NFIA: variants seen among roughly 807,000 people sequenced by gnomAD.
NFIA encodes nuclear factor 1 A-type.
A neutral mutation model predicts 62.8 loss-of-function variants in NFIA; 8 were observed. The ratio of observed to expected loss-of-function variants is 0.13; its 90% confidence interval spans 0.07 to 0.23. The LOEUF (loss-of-function observed/expected upper bound fraction) is 0.23, where lower values mean the gene tolerates loss of function less well. NFIA is among the 10% of genes least tolerant of loss of function. NFIA has a pLI of 1.00. For synonymous variants in NFIA, 235 were observed against 238.1 expected, an observed-to-expected ratio of 0.99 and a Z score of 0.12; for missense variants, 410 against 642.1, an observed-to-expected ratio of 0.64 and a Z score of 3.91.
Position 61,406,550 on chromosome 1 carries a change from C to CT in NFIA, c.1255-12_1255-11insT. On this transcript the variant is annotated splice_polypyrimidine_tract_variant and intron_variant, in intron 8 of 10. Transcript: ENST00000403491. Reference sequence around the variant, plus strand: ...CTTGTACGTGTGTTTTCTGCCCCCCCCCCCCCCACAGCCCAATGGGAGCAG... The same window carrying CT: ...CTTGTACGTGTGTTTTCTGCCCCCCCTCCCCCCCACAGCCCAATGGGAGCAG... 2.7e-6 allele frequency: 3 copies of CT among 1,113,332 alleles called. No individual in the cohort carries two copies. Among genetic ancestry groups the CT allele is most frequent in the Middle Eastern group, 2.3e-4 (1 of 4,326 alleles). 69.0% of individuals were successfully genotyped at this position (1,113,332 alleles called of 1,614,324 possible).
chr1:61,401,342 CA>C (rs1329615585), intron 7 of NFIA, among the ~76,000 whole-genome samples: 1 of 152,030 alleles, frequency 6.6e-6, no homozygotes, highest in Non-Finnish European at 1.5e-5. Context: ...CTCTGTTCCA[CA>C]AGGAAATGGT....
At chr1:61,243,042 A>G (rs982181048) in intron 2 of NFIA, among the ~76,000 whole-genome samples, 3 of 152,118 alleles carry the variant, frequency 2.0e-5, no homozygotes, top group African/African-American at 7.2e-5. Context: ...CATTTAGGCA[A>G]CAATGTTAGT....
rs1364082655 is a variant in NFIA, at chr1:61,462,082, C to T, written c.*6762C>T. The T allele has an allele frequency of 9.5e-6, 1 of 105,684 alleles. No individual in the cohort carries two copies. Among genetic ancestry groups the T allele is most frequent in the Non-Finnish European group, 1.7e-5 (1 of 57,178 alleles). The allele number at this position is 105,684 out of a possible 1,614,324, so 6.5% of individuals were successfully genotyped here. ...TTTGTTTTTTTTTCTTTTGACATTG[C>T]AACCGAAGGTCATAAGGCCGCTAGC... On this transcript the variant is annotated 3_prime_UTR_variant, in exon 11 of 11. Coordinates refer to ENST00000403491, the MANE Select transcript of NFIA (RefSeq NM_001134673.4).
At chr1:61,373,455 T>G (rs1664000787) in intron 6 of NFIA, among the ~76,000 whole-genome samples, 1 of 152,148 alleles carries the variant, frequency 6.6e-6, no homozygotes. Flanking sequence ...GTTCTCTGCT[T>G]GTATCCAAGG....
chr1:61,252,773 A>G (rs527742202), intron 2 of NFIA, among the ~76,000 whole-genome samples: 2 of 152,342 alleles, frequency 1.3e-5, no homozygotes, highest in South Asian at 2.1e-4. Flanking sequence ...GCTCAAAGTT[A>G]AAATGTTTAA....
chr1:61,204,002 C>A (rs1652719200), intron 2 of NFIA, among the ~76,000 whole-genome samples: 1 of 152,106 alleles, frequency 6.6e-6, no homozygotes, highest in Non-Finnish European at 1.5e-5. Context: ...TCATTTTTGA[C>A]CAAAGAAGAT....
intron 3 of NFIA, among the ~76,000 whole-genome samples, chr1:61,317,299 A>G (rs12022282): frequency 0.1 from 15,955 of 152,182 alleles, 1,065 homozygotes; most frequent in Non-Finnish European, 0.14. Flanking sequence ...CCATTTCTAG[A>G]GTATTAGTAG....
chr1:61,203,394 G>A (rs942012361), intron 2 of NFIA, among the ~76,000 whole-genome samples: 15 of 152,100 alleles, frequency 9.9e-5, no homozygotes, highest in East Asian at 5.8e-4. Flanking sequence ...CCACGGGATG[G>A]CTCACCACCC....
intron 3 of NFIA, among the ~76,000 whole-genome samples, chr1:61,311,975 G>A (rs772862241): frequency 6.6e-6 from 1 of 152,206 alleles, no homozygotes; most frequent in African/African-American, 2.4e-5. Flanking sequence ...ATAACATCAG[G>A]AGTATTAGGA....
At chr1:61,436,507 AGGCTTTCCCAG>A (rs1667335246) in intron 10 of NFIA, among the ~76,000 whole-genome samples, 1 of 152,200 alleles carries the variant, frequency 6.6e-6, no homozygotes, top group African/African-American at 2.4e-5. Flanking sequence ...TTTTGGACCT[AGGCTTTCCCAG>A]GGCTTCTAAT....
intron 10 of NFIA, among the ~76,000 whole-genome samples, chr1:61,454,355 AAAAG>A (rs1475160850): frequency 6.6e-6 from 1 of 152,248 alleles, no homozygotes; most frequent in African/African-American, 2.4e-5. Flanking sequence ...AGCTAACAGA[AAAAG>A]AAATGCCAGC....
At chr1:61,210,753 G>A (rs907046372) in intron 2 of NFIA, among the ~76,000 whole-genome samples, 2 of 152,144 alleles carry the variant, frequency 1.3e-5, no homozygotes, top group Admixed American at 6.5e-5. Flanking sequence ...TACCTCACTG[G>A]ACACCTCAAA....
At position 61,458,886 on chromosome 1, in the gene NFIA, A is replaced by G. The variant is rs1324378504; in HGVS notation, c.*3566A>G. Reference sequence around the variant, plus strand: ...ATTAGGGAACTCTGAACAGATTTGCAGGAAAAAATGTTTTAAAGGCTTTAA... The same window carrying G: ...ATTAGGGAACTCTGAACAGATTTGCGGGAAAAAATGTTTTAAAGGCTTTAA... On this transcript the variant is annotated 3_prime_UTR_variant, in exon 11 of 11. Coordinates refer to ENST00000403491, the MANE Select transcript of NFIA (RefSeq NM_001134673.4). The G allele has an allele frequency of 6.6e-6, 1 of 152,174 alleles. No individual in the cohort carries two copies. The highest frequency in any genetic ancestry group is 1.5e-5 in the Non-Finnish European group (1 of 68,030). The allele number at this position is 152,174 out of a possible 1,614,324, so 9.4% of individuals were successfully genotyped here.
intron 6 of NFIA, among the ~76,000 whole-genome samples, chr1:61,372,771 C>T (rs1053546990): frequency 1.3e-5 from 2 of 151,964 alleles, no homozygotes; most frequent in African/African-American, 4.8e-5. Context: ...TTTTGTTTTG[C>T]AAAATATCAG....
At chr1:61,386,408 T>C (rs534498196) in intron 7 of NFIA, among the ~76,000 whole-genome samples, 13 of 152,304 alleles carry the variant, frequency 8.5e-5, no homozygotes, top group Non-Finnish European at 1.8e-4. Flanking sequence ...GAATGTCCTT[T>C]ATCAGGTCCC....
chr1:61,263,135 G>A (rs1230394250), intron 2 of NFIA, among the ~76,000 whole-genome samples: 1 of 151,956 alleles, frequency 6.6e-6, no homozygotes, highest in Admixed American at 6.6e-5. Flanking sequence ...CTTTGACTTT[G>A]TTTTTCCCAA....
chr1:61,382,288 T>C (rs190891055), intron 6 of NFIA, among the ~76,000 whole-genome samples: 2 of 152,330 alleles, frequency 1.3e-5, no homozygotes, highest in East Asian at 3.9e-4. Context: ...AAGGAACTGT[T>C]TCTCCATTAT....
chr1:61,393,290 T>TCTCC (rs1343271825), intron 7 of NFIA, among the ~76,000 whole-genome samples: 1 of 63,590 alleles, frequency 1.6e-5, no homozygotes, highest in Non-Finnish European at 2.5e-5. Flanking sequence ...TCTCTCTCTC[T>TCTCC]CCCTCTTTCT....
chr1:61,449,182 G>A (rs907199468), intron 10 of NFIA, among the ~76,000 whole-genome samples: 3 of 152,232 alleles, frequency 2.0e-5, no homozygotes, highest in African/African-American at 7.2e-5. Flanking sequence ...ACTGCCTGGA[G>A]TGGCTTGTGG....
Sources: allele counts gnomAD v4.1 joint callset (sites outside exome capture counted in the v4.1 genomes callset), GRCh38; gene constraint gnomAD v4.1.1; transcripts MANE v1.5; gene names NCBI Gene and HGNC (gene_info 2026-07-23, HGNC 2026-07-21).